CFHR3: variants seen among roughly 807,000 people sequenced by gnomAD.
The protein encoded by CFHR3 is complement factor H-related protein 3.
In CFHR3, 22 loss-of-function variants were observed where a neutral mutation model predicts 36.0. That is an observed-to-expected ratio of 0.61 (90% CI 0.44 to 0.87). CFHR3 has a LOEUF of 0.87. CFHR3 is among the 40% of genes least tolerant of loss of function. The pLI is 0.00. For synonymous variants in CFHR3, 97 were observed against 137.4 expected, an observed-to-expected ratio of 0.71 and a Z score of 2.06; for missense variants, 276 against 401.3, an observed-to-expected ratio of 0.69 and a Z score of 2.67.
At position 196,793,583 on chromosome 1, in the gene CFHR3, C is replaced by G. The variant is rs1390489739; in HGVS notation, c.*70C>G. 1 of 1,350,746 alleles carries G rather than the reference C, an allele frequency of 7.4e-7. No individual in the cohort carries two copies. The highest frequency in any genetic ancestry group is 2.3e-5 in the East Asian group (1 of 43,422). The allele number at this position is 1,350,746 out of a possible 1,614,324, so 83.7% of individuals were successfully genotyped here. A position where few individuals can be genotyped will look rare whatever the true frequency, so the allele number is the denominator to read the frequency against. ...ACTTCTCACTCTTATGGTCTCAAAG[C>G]TTGCAAAGATAGCTTCTGATATTGT... On this transcript the variant is annotated 3_prime_UTR_variant, in exon 6 of 6. Transcript: ENST00000367425.
In CFHR3 at chr1:196,788,174, T is replaced by C. The variant is rs1434262222; in HGVS notation, c.431-42T>C. 13 of 1,374,102 alleles carry C rather than the reference T, an allele frequency of 9.5e-6. 1 individual carries two copies. The highest frequency in any genetic ancestry group is 1.2e-5 in the Non-Finnish European group (12 of 1,024,452). The allele number at this position is 1,374,102 out of a possible 1,614,324, so 85.1% of individuals were successfully genotyped here. A position where few individuals can be genotyped will look rare whatever the true frequency, so the allele number is the denominator to read the frequency against. ...CTTGTTCCCTCCTATAAAAGAACTA[T>C]TCAACTAATATTTACTTTTTTCTTG... On this transcript the variant is annotated intron_variant, in intron 3 of 5. Transcript: ENST00000367425.
rs191550045 is a variant in CFHR3, at chr1:196,790,208, G to A, written c.777G>A (p.Ser259=). The A allele has an allele frequency of 1.3e-4, 171 of 1,353,530 alleles. 37 individuals carry two copies. In the Admixed American group the frequency reaches 1.7e-3, roughly 14 times the overall value. 83.8% of individuals were successfully genotyped at this position (1,353,530 alleles called of 1,614,324 possible). Residue 259 remains serine (S), a synonymous_variant, in exon 5 of 6, where the codon TCG becomes TCA. Transcript: ENST00000367425. The part of the protein sequence containing the change: ...NYVTCSNGEW[S]EPPRCIHPCI... ...TAACATGTAGTAATGGAGAGTGGTC[G>A]GAACCACCAAGATGCATACGTAAGT...
intron 3 of CFHR3, among the ~76,000 whole-genome samples, chr1:196,780,649 G>T (rs409582): frequency 0.58 from 78,187 of 134,450 alleles, 29,191 homozygotes; most frequent in East Asian, 0.94. Flanking sequence ...TAATTCTGAA[G>T]GTAAAATCTC....
At chr1:196,789,840 G>C in intron 4 of CFHR3, 1 of 1,111,864 alleles carries the variant, frequency 9.0e-7, no homozygotes, top group Non-Finnish European at 1.2e-6. Context: ...GTACACATAT[G>C]TGTGTACATA....
chr1:196,775,249 T>A (rs1221794238), intron 1 of CFHR3, among the ~76,000 whole-genome samples: 1 of 137,242 alleles, frequency 7.3e-6, no homozygotes, highest in East Asian at 1.9e-4. Flanking sequence ...AAACATGTCA[T>A]TAGACAGATT....
rs1654280871 is a variant in CFHR3, at chr1:196,788,161, T to A, written c.431-55T>A. ...TGCCATGTTTTTACTTGTTCCCTCCTATAAAAGAACTATTCAACTAATATT... is the reference window on the plus strand; with the variant it reads ...TGCCATGTTTTTACTTGTTCCCTCCAATAAAAGAACTATTCAACTAATATT... On this transcript the variant is annotated intron_variant, in intron 3 of 5. Transcript: ENST00000367425. 5 of 1,293,182 alleles carry A rather than the reference T, an allele frequency of 3.9e-6. No individual in the cohort carries two copies. The Admixed American group carries it at 1.1e-4, about 29-fold the overall frequency. 80.1% of individuals were successfully genotyped at this position (1,293,182 alleles called of 1,614,324 possible).
In CFHR3 at chr1:196,783,142, C is replaced by A. The variant is rs555776662; in HGVS notation, c.430+3169C>A. Among the ~76,000 whole-genome samples the A allele has an allele frequency of 5.1e-5, 7 of 136,260 alleles. 2 individuals carry two copies. The highest frequency in any genetic ancestry group is 5.2e-4 in the South Asian group (2 of 3,882). 89.4% of individuals were successfully genotyped at this position (136,260 alleles called of 152,430 possible). On this transcript the variant is annotated intron_variant, in intron 3 of 5. Coordinates refer to ENST00000367425, the MANE Select transcript of CFHR3 (RefSeq NM_021023.6). ...GTATATTGAACTAGCCTTGCATCCCCGGGATGAAGACCACTTGATCATGGT... is the reference window on the plus strand; with the variant it reads ...GTATATTGAACTAGCCTTGCATCCCAGGGATGAAGACCACTTGATCATGGT...
At chr1:196,789,697 A>C (rs1451836595) in intron 4 of CFHR3, 2 of 1,476,972 alleles carry the variant, frequency 1.4e-6, no homozygotes, top group African/African-American at 1.7e-5. Flanking sequence ...TCAGTTATGG[A>C]AACACCACAG....
At position 196,779,098 on chromosome 1, in the gene CFHR3, A is replaced by G. The variant is rs1042771411; in HGVS notation, c.59-64A>G. 4.9e-6 allele frequency: 6 copies of G among 1,232,208 alleles called. No homozygotes were observed. The Admixed American group carries it at 1.2e-4, about 24-fold the overall frequency. The allele number at this position is 1,232,208 out of a possible 1,614,324, so 76.3% of individuals were successfully genotyped here. Reference sequence around the variant, plus strand: ...TTGAGAGAAGGTGATATCAAAATTTATCTCTAATATGATTTATTACAGTAA... The same window carrying G: ...TTGAGAGAAGGTGATATCAAAATTTGTCTCTAATATGATTTATTACAGTAA... On this transcript the variant is annotated intron_variant, in intron 1 of 5. Transcript: ENST00000367425.
chr1:196,793,094 G>A lies in CFHR3; in HGVS notation c.797-223G>A, dbSNP rs191193909. Reference sequence around the variant, plus strand: ...CTAGAGAAAGACTGCCAGGGTTCACGTTTATCACCTCACCTGATGATCTCT... The same window carrying A: ...CTAGAGAAAGACTGCCAGGGTTCACATTTATCACCTCACCTGATGATCTCT... On this transcript the variant is annotated intron_variant, in intron 5 of 5. Coordinates refer to ENST00000367425, the MANE Select transcript of CFHR3 (RefSeq NM_021023.6). Among the ~76,000 whole-genome samples the A allele has an allele frequency of 8.9e-5, 12 of 135,142 alleles. 2 individuals are homozygous for A. The highest frequency in any genetic ancestry group is 2.8e-4 in the African/African-American group (9 of 31,850). The allele number at this position is 135,142 out of a possible 152,430, so 88.7% of individuals were successfully genotyped here.
At position 196,788,465 on chromosome 1, in the gene CFHR3, T is replaced by C. The variant is rs1654298792; in HGVS notation, c.613+67T>C. On this transcript the variant is annotated intron_variant, in intron 4 of 5. Coordinates refer to ENST00000367425, the MANE Select transcript of CFHR3 (RefSeq NM_021023.6). Reference sequence around the variant, plus strand: ...GTTCCTCTCTTTGAGATGATAGTGTTTTACTTAAAAATATAGAAAACAATT... The same window carrying C: ...GTTCCTCTCTTTGAGATGATAGTGTCTTACTTAAAAATATAGAAAACAATT... 3 of 1,501,026 alleles carry C rather than the reference T, an allele frequency of 2.0e-6. 1 individual carries two copies. In the Admixed American group the frequency reaches 5.5e-5, roughly 28 times the overall value. The allele number at this position is 1,501,026 out of a possible 1,614,324, so 93.0% of individuals were successfully genotyped here. A position where few individuals can be genotyped will look rare whatever the true frequency, so the allele number is the denominator to read the frequency against.
At chr1:196,781,574 G>A (rs1653949568) in intron 3 of CFHR3, among the ~76,000 whole-genome samples, 1 of 136,712 alleles carries the variant, frequency 7.3e-6, no homozygotes, top group Admixed American at 7.0e-5. Context: ...ATTTTTTCAT[G>A]TGTTTTTTGG....
rs913577639 is a variant in CFHR3, at chr1:196,795,162, A to C, written c.*1649A>C. On this transcript the variant is annotated 3_prime_UTR_variant, in exon 6 of 6. Transcript: ENST00000367425. ...ACCTTGAATTATATAATCACCATGC[A>C]TCAAAGGTAGGGCCAGGTGGAGATA... 7.3e-6 allele frequency: 1 copy of C among 137,298 alleles called. No homozygotes were observed. Among genetic ancestry groups the C allele is most frequent in the Non-Finnish European group, 1.5e-5 (1 of 64,726 alleles). 8.5% of individuals were successfully genotyped at this position (137,298 alleles called of 1,614,324 possible).
chr1:196,781,221 T>A lies in CFHR3; in HGVS notation c.430+1248T>A, dbSNP rs1450348499. On this transcript the variant is annotated intron_variant, in intron 3 of 5. Coordinates refer to ENST00000367425, the MANE Select transcript of CFHR3 (RefSeq NM_021023.6). ...TATCATTGTTGGACATTTGGGTTGG[T>A]TCCAAGTCTTTGCTATTGTGAATAA... Among the ~76,000 whole-genome samples, 2 of 135,220 alleles carry A rather than the reference T, an allele frequency of 1.5e-5. 1 individual carries two copies. Among genetic ancestry groups the A allele is most frequent in the Non-Finnish European group, 3.1e-5 (2 of 64,188 alleles). The allele number at this position is 135,220 out of a possible 152,430, so 88.7% of individuals were successfully genotyped here.
intron 3 of CFHR3, among the ~76,000 whole-genome samples, chr1:196,787,820 T>C (rs539628728): frequency 7.3e-6 from 1 of 137,172 alleles, no homozygotes; most frequent in East Asian, 2.0e-4. Context: ...ACCGTATCTT[T>C]GCCTGGGAAA....
chr1:196,779,874 G>T lies in CFHR3; in HGVS notation c.331G>T (p.Glu111Ter). 2 of 1,533,224 alleles carry T rather than the reference G, an allele frequency of 1.3e-6. 1 individual carries two copies. The highest frequency in any genetic ancestry group is 3.3e-5 in the African/African-American group (2 of 60,604). The allele number at this position is 1,533,224 out of a possible 1,614,324, so 95.0% of individuals were successfully genotyped here. The change falls in exon 3 of 6, where the codon GAA (glutamate) becomes TAA (stop). Residue 111 changes from glutamate to a stop codon, truncating the protein, a stop_gained. Transcript: ENST00000367425. LOFTEE classifies it high-confidence loss of function. ...AAAGTTTGTACAGGGTAACTCTACA[G>T]AAGTTGCCTGCCATCCTGGCTACGG... ...GRKFVQGNST[E>*]VACHPGYGLP... is the part of the protein sequence containing the mutation.
intron 1 of CFHR3, 86 bp from the exon 2 acceptor site, chr1:196,779,074 TGA>T: frequency 9.6e-7 from 1 of 1,037,006 alleles, no homozygotes; most frequent in Non-Finnish European, 1.4e-6. Flanking sequence ...AGAAAATGTT[TGA>T]GAGAAGGTGA....
chr1:196,776,892 G>A (rs1385297682), intron 1 of CFHR3, among the ~76,000 whole-genome samples: 2 of 135,408 alleles, frequency 1.5e-5, no homozygotes, highest in Non-Finnish European at 3.1e-5. Flanking sequence ...TCAGAATTGG[G>A]TAATTATATC....
At position 196,786,898 on chromosome 1, in the gene CFHR3, G is replaced by A. The variant is rs568220953; in HGVS notation, c.431-1318G>A. On this transcript the variant is annotated intron_variant, in intron 3 of 5. Transcript: ENST00000367425. ...GCAGAAATCACCCGTCTTCTGCGTC[G>A]CTCACGCTGGGAGCTGTAGACCAGA... is the stretch of plus-strand genomic sequence containing the variant. Among the ~76,000 whole-genome samples the A allele has an allele frequency of 4.4e-5, 6 of 137,542 alleles. 1 individual carries two copies. In the South Asian group the frequency reaches 7.6e-4, roughly 17 times the overall value. The allele number at this position is 137,542 out of a possible 152,430, so 90.2% of individuals were successfully genotyped here.
Sources: allele counts gnomAD v4.1 joint callset (sites outside exome capture counted in the v4.1 genomes callset), GRCh38; gene constraint gnomAD v4.1.1; transcripts MANE v1.5; gene names NCBI Gene and HGNC (gene_info 2026-07-23, HGNC 2026-07-21).